LRP1B: variants seen among roughly 807,000 people sequenced by gnomAD.
LRP1B encodes LDL receptor related protein 1B.
LRP1B carries 217 observed loss-of-function variants against 556.6 expected under a neutral mutation model. That is an observed-to-expected ratio of 0.39 (90% CI 0.35 to 0.44). LRP1B has a LOEUF of 0.44. Among genes scored for constraint, LRP1B ranks in the 20% least tolerant of loss-of-function variants. The probability of loss-of-function intolerance (pLI) is 1.00; values close to 1 mark genes in which losing one functional copy is unlikely to be tolerated. For missense variants in LRP1B, 5,053 were observed against 5,620.8 expected (o/e 0.90, Z 3.23); for synonymous variants, 2,047 against 1,865.8 (o/e 1.10, Z -2.50).
intron 82 of LRP1B, among the ~76,000 whole-genome samples, chr2:140,315,529 C>T (rs930291125): frequency 1.3e-5 from 2 of 152,104 alleles, no homozygotes; most frequent in African/African-American, 4.8e-5. Flanking sequence ...CCTCCCACCT[C>T]CACTTTCCAA....
rs1309981535 is a variant in LRP1B, at chr2:141,822,682, TTATTTTA to T, written c.83-12288_83-12282del. 1.3e-5 allele frequency among the ~76,000 whole-genome samples: 2 copies of T among 152,214 alleles called. 1 individual carries two copies. The highest frequency in any genetic ancestry group is 3.9e-4 in the East Asian group (2 of 5,192). ...ACTACAATTGTTTTTTATCTCCTTA[TTATTTTA>T]ATCTTAAAATATATTTTAAATCATA... On this transcript the variant is annotated intron_variant, in intron 1 of 90. Coordinates refer to ENST00000389484, the MANE Select transcript of LRP1B (RefSeq NM_018557.3).
intron 1 of LRP1B, among the ~76,000 whole-genome samples, chr2:142,063,550 C>A (rs1427095412): frequency 6.6e-6 from 1 of 151,550 alleles, no homozygotes; most frequent in African/African-American, 2.4e-5. Context: ...ATACCAGAGA[C>A]TTCTAAGTTA....
Position 141,480,469 on chromosome 2 carries a change from A to C in LRP1B, c.270T>G (p.Cys90Trp). Residue 90 changes from cysteine to tryptophan, a missense_variant, in exon 3 of 91, where the codon TGT (cysteine) becomes TGG (tryptophan). Transcript: ENST00000389484. ...CATTGCACAGCTGGGATAAATGAACACATTTGTTGGTACCAAGGCAAGCAA... is the reference window on the plus strand; with the variant it reads ...CATTGCACAGCTGGGATAAATGAACCCATTTGTTGGTACCAAGGCAAGCAA... Reference protein sequence around the residue: ...NHIACLGTNKCVHLSQLCNGV... With the variant: ...NHIACLGTNKWVHLSQLCNGV... The C allele has an allele frequency of 6.2e-7, 1 of 1,614,062 alleles. No individual in the cohort carries two copies. Among genetic ancestry groups the C allele is most frequent in the Non-Finnish European group, 8.5e-7 (1 of 1,179,944 alleles).
intron 2 of LRP1B, among the ~76,000 whole-genome samples, chr2:141,507,068 G>A (rs1005429468): frequency 3.3e-5 from 5 of 152,078 alleles, no homozygotes; most frequent in African/African-American, 9.7e-5. Flanking sequence ...TATGTTCATC[G>A]GAAGGGTTAT....
chr2:140,619,074 TACACACACACACACACAC>T (rs113009077), intron 41 of LRP1B, among the ~76,000 whole-genome samples: 4 of 146,584 alleles, frequency 2.7e-5, no homozygotes, highest in East Asian at 2.1e-4. Context: ...TATATCTATC[TACACACACACACACACAC>T]ACACACACAC....
At chr2:142,042,203 C>G (rs760868567) in intron 1 of LRP1B, among the ~76,000 whole-genome samples, 3 of 151,260 alleles carry the variant, frequency 2.0e-5, no homozygotes, top group African/African-American at 4.8e-5. Context: ...GATAATAAGC[C>G]TTACTTGGCA....
chr2:141,878,850 C>T (rs1698860340), intron 1 of LRP1B, among the ~76,000 whole-genome samples: 1 of 151,788 alleles, frequency 6.6e-6, no homozygotes, highest in Admixed American at 6.6e-5. Context: ...AGTTATCACT[C>T]CTTGAAGGGT....
intron 1 of LRP1B, among the ~76,000 whole-genome samples, chr2:141,996,706 T>C (rs1226737482): frequency 1.1e-5 from 1 of 92,200 alleles, no homozygotes; most frequent in Non-Finnish European, 2.1e-5. Context: ...TATTTAAATT[T>C]TTTCTTTCCC....
In LRP1B at chr2:140,261,340, C is replaced by G. The variant is rs886114691; in HGVS notation, c.13247+8902G>C. ...CAACTAGTCCAAATCCATTATTTTA[C>G]AGACAAGGGAAATGGGACACACAGA... On this transcript the variant is annotated intron_variant, in intron 86 of 90. Transcript: ENST00000389484. Among the ~76,000 whole-genome samples the G allele has an allele frequency of 2.2e-4, 34 of 151,678 alleles. 1 individual carries two copies. Among genetic ancestry groups the G allele is most frequent in the Admixed American group, 2.2e-3 (34 of 15,188 alleles).
At chr2:141,172,636 T>C (rs2105147602) in intron 7 of LRP1B, among the ~76,000 whole-genome samples, 1 of 152,196 alleles carries the variant, frequency 6.6e-6, no homozygotes, top group East Asian at 1.9e-4. Context: ...ATTTTTATCT[T>C]AATGTAATTA....
chr2:141,055,129 GC>G lies in LRP1B; in HGVS notation c.1538del (p.Gly513AlafsTer28). On this transcript the variant is annotated frameshift_variant, in exon 10 of 91. Coordinates refer to ENST00000389484, the MANE Select transcript of LRP1B (RefSeq NM_018557.3). LOFTEE classifies it high-confidence loss of function. ...TTAACAACATACTTTTGCATGACCT[GC>G]CATCACTTCCCAAGTTGAAGCCAGT... ...CRTGFNLGSDGRSCKRPKNEL... is the reference protein window; with the variant it reads ...CRTGFNLGSDXRSCKRPKNEL... 1 of 1,611,972 alleles carries G rather than the reference GC, an allele frequency of 6.2e-7. No homozygotes were observed. Among genetic ancestry groups the G allele is most frequent in the East Asian group, 2.2e-5 (1 of 44,742 alleles).
intron 3 of LRP1B, among the ~76,000 whole-genome samples, chr2:141,422,317 A>G (rs560001166): frequency 6.6e-6 from 1 of 152,320 alleles, no homozygotes; most frequent in Admixed American, 6.5e-5. Flanking sequence ...TTTACTGAAT[A>G]AAGAAGAGGA....
chr2:140,375,468 G>A (rs1247779745), intron 68 of LRP1B, among the ~76,000 whole-genome samples: 1 of 152,034 alleles, frequency 6.6e-6, no homozygotes, highest in African/African-American at 2.4e-5. Context: ...TTTATAATTG[G>A]TTCTAGGACT....
At chr2:140,765,304 G>A (rs1341625326) in intron 35 of LRP1B, among the ~76,000 whole-genome samples, 1 of 152,112 alleles carries the variant, frequency 6.6e-6, no homozygotes, top group Non-Finnish European at 1.5e-5. Flanking sequence ...ATTATTCTGA[G>A]TAGAATGTCC....
intron 1 of LRP1B, among the ~76,000 whole-genome samples, chr2:141,869,123 C>T (rs1053736373): frequency 2.6e-5 from 4 of 151,960 alleles, no homozygotes; most frequent in Non-Finnish European, 4.4e-5. Context: ...GCTATTTATC[C>T]AATCCTAATA....
intron 1 of LRP1B, among the ~76,000 whole-genome samples, chr2:141,935,130 T>C (rs1700600902): frequency 6.6e-6 from 1 of 152,130 alleles, no homozygotes; most frequent in South Asian, 2.1e-4. Flanking sequence ...CAGAATTATA[T>C]CTTCAGAGTA....
intron 37 of LRP1B, among the ~76,000 whole-genome samples, chr2:140,706,771 A>T (rs1559067498): frequency 2.0e-5 from 3 of 152,150 alleles, no homozygotes; most frequent in Admixed American, 6.6e-5. Context: ...GTCTTCTGAC[A>T]ACTGTACAGA....
intron 1 of LRP1B, among the ~76,000 whole-genome samples, chr2:141,853,939 A>G (rs1447228805): frequency 6.6e-6 from 1 of 151,984 alleles, no homozygotes; most frequent in Non-Finnish European, 1.5e-5. Flanking sequence ...CAATTATTAA[A>G]TCCATGAAGC....
chr2:141,395,448 CCAGA>C (rs1055824305), intron 3 of LRP1B, among the ~76,000 whole-genome samples: 1 of 152,064 alleles, frequency 6.6e-6, no homozygotes, highest in Non-Finnish European at 1.5e-5. Flanking sequence ...ATAAGTTATA[CCAGA>C]CAGATATACC....
Sources: allele counts gnomAD v4.1 joint callset (sites outside exome capture counted in the v4.1 genomes callset), GRCh38; gene constraint gnomAD v4.1.1; transcripts MANE v1.5; gene names NCBI Gene and HGNC (gene_info 2026-07-23, HGNC 2026-07-21).